PON3: variants seen among roughly 807,000 people sequenced by gnomAD.
The protein encoded by PON3 is paraoxonase 3.
In PON3, 37 loss-of-function variants were observed where a neutral mutation model predicts 36.3. The ratio of observed to expected loss-of-function variants is 1.02; its 90% CI spans 0.78 to 1.34. The LOEUF is 1.34. Ranked by LOEUF, PON3 falls within the 40% of genes most tolerant of loss-of-function variation. PON3 has a pLI of 0.00. For synonymous variants in PON3, 155 were observed against 154.8 expected (o/e 1.00, Z -0.01); for missense variants, 415 against 426.5 (o/e 0.97, Z 0.24).
chr7:95,366,807 T>C (rs547855093), intron 5 of PON3, among the ~76,000 whole-genome samples: 18 of 152,376 alleles, frequency 1.2e-4, no homozygotes, highest in African/African-American at 4.3e-4. Context: ...AGTTTACCCA[T>C]GCCTATTATT....
intron 5 of PON3, 95 bp downstream of exon 5, chr7:95,367,267 A>ATTC (rs2116382557): frequency 1.4e-6 from 2 of 1,475,344 alleles, no homozygotes; most frequent in East Asian, 4.5e-5. Flanking sequence ...ACAATTTCAA[A>ATTC]ACAAAAGTTT....
At position 95,363,857 on chromosome 7, in the gene PON3, G is replaced by T; in HGVS notation, c.695+6C>A. On this transcript the variant is annotated splice_donor_region_variant and intron_variant, in intron 6 of 8. Coordinates refer to ENST00000265627, the MANE Select transcript of PON3 (RefSeq NM_000940.3). ...AAAGGATAGAAAAATACACAAAAGA[G>T]CTTACTTCTGGTCTGCTGAGACTGT... 1 of 1,611,848 alleles carries T rather than the reference G, an allele frequency of 6.2e-7. No individual in the cohort carries two copies. The highest frequency in any genetic ancestry group is 8.5e-7 in the Non-Finnish European group (1 of 1,178,004).
chr7:95,367,393 G>T lies in PON3; in HGVS notation c.463C>A (p.Leu155Met). The T allele has an allele frequency of 6.2e-7, 1 of 1,613,162 alleles. No individual in the cohort carries two copies. Among genetic ancestry groups the T allele is most frequent in the Non-Finnish European group, 8.5e-7 (1 of 1,179,654 alleles). The change falls in exon 5 of 9, where the codon CTG becomes ATG. Residue 155 changes from leucine (L) to methionine (M), a missense_variant. By Grantham distance (15) the Leu-to-Met change is conservative. Transcript: ENST00000265627. Reference sequence around the variant, plus strand: ...AGAAGTTCATGTTTTATAGTTTTCAGGTATACCAGAGAACGTTGTTGTTCC... The same window carrying T: ...AGAAGTTCATGTTTTATAGTTTTCATGTATACCAGAGAACGTTGTTGTTCC... ...FEEQQRSLVYLKTIKHELLKS... is the reference protein window; with the variant it reads ...FEEQQRSLVYMKTIKHELLKS...
intron 4 of PON3, among the ~76,000 whole-genome samples, chr7:95,368,441 G>C (rs1356875409): frequency 6.6e-6 from 1 of 152,230 alleles, no homozygotes; most frequent in Admixed American, 6.5e-5. Flanking sequence ...ATCCAGCTCT[G>C]TTCCAAGGCT....
At chr7:95,380,228 T>C (rs990583277) in intron 3 of PON3, among the ~76,000 whole-genome samples, 1 of 151,936 alleles carries the variant, frequency 6.6e-6, no homozygotes, top group Non-Finnish European at 1.5e-5. Flanking sequence ...AGACCAAAGG[T>C]AGATAAAACC....
intron 3 of PON3, among the ~76,000 whole-genome samples, chr7:95,378,507 AGG>A (rs1808971087): frequency 6.6e-6 from 1 of 152,210 alleles, no homozygotes; most frequent in African/African-American, 2.4e-5. Flanking sequence ...CCAGAGAGAA[AGG>A]CTGGGTTACC....
At chr7:95,363,755 A>T (rs1808628672) in intron 6 of PON3, 108 bp downstream of exon 6, 1 of 1,072,106 alleles carries the variant, frequency 9.3e-7, no homozygotes, top group East Asian at 2.4e-5. Context: ...ATCCCTCCAC[A>T]CATATATTCA....
intron 5 of PON3, among the ~76,000 whole-genome samples, chr7:95,366,368 A>T (rs1296139244): frequency 6.6e-6 from 1 of 152,172 alleles, no homozygotes; most frequent in Non-Finnish European, 1.5e-5. Context: ...AGAACCCCAT[A>T]CGGTGCATTA....
chr7:95,363,891 T>C lies in PON3; in HGVS notation c.667A>G (p.Asn223Asp), dbSNP rs1324205210. ...TGGTCTGCTGAGACTGTGATCCCAT[T>C]GGCACTACAAAATCCTTTGGCCACC... Reference protein sequence around the residue: ...KVVAKGFCSANGITVSADQKY... With the variant: ...KVVAKGFCSADGITVSADQKY... Residue 223 changes from asparagine (N) to aspartate (D), a missense_variant, in exon 6 of 9, where the codon AAT (asparagine) becomes GAT (aspartate). Coordinates refer to ENST00000265627, the MANE Select transcript of PON3 (RefSeq NM_000940.3). The C allele has an allele frequency of 1.2e-6, 2 of 1,613,540 alleles. No individual in the cohort carries two copies. The highest frequency in any genetic ancestry group is 3.3e-5 in the Admixed American group (2 of 59,982).
intron 4 of PON3, among the ~76,000 whole-genome samples, chr7:95,368,262 T>C (rs534059780): frequency 2.4e-4 from 36 of 152,352 alleles, no homozygotes; most frequent in African/African-American, 7.5e-4. Context: ...ACTTGATCTG[T>C]ATTCATCTTC....
intron 3 of PON3, among the ~76,000 whole-genome samples, chr7:95,381,404 T>G (rs1809051049): frequency 6.6e-6 from 1 of 152,128 alleles, no homozygotes; most frequent in Non-Finnish European, 1.5e-5. Context: ...AGACACAGAC[T>G]GGCAAATTGG....
chr7:95,392,736 C>T (rs545750158), intron 2 of PON3, among the ~76,000 whole-genome samples: 2 of 152,312 alleles, frequency 1.3e-5, no homozygotes, highest in African/African-American at 2.4e-5. Flanking sequence ...TACGTATCAT[C>T]GAATTATTCA....
chr7:95,376,632 C>T (rs1808918375), intron 3 of PON3, among the ~76,000 whole-genome samples: 1 of 148,550 alleles, frequency 6.7e-6, no homozygotes, highest in Admixed American at 6.6e-5. Flanking sequence ...ACTTTTAGTT[C>T]CAGTGAAAAT....
At chr7:95,386,768 A>G (rs992057902) in intron 3 of PON3, among the ~76,000 whole-genome samples, 1 of 152,200 alleles carries the variant, frequency 6.6e-6, no homozygotes, top group African/African-American at 2.4e-5. Flanking sequence ...CCAGCAACAC[A>G]TCAAAAAGCT....
At position 95,372,317 on chromosome 7, in the gene PON3, G is replaced by C. The variant is rs1211744090; in HGVS notation, c.223C>G (p.Pro75Ala). Residue 75 changes from proline (P) to alanine (A), a missense_variant, in exon 4 of 9, where the codon CCA becomes GCA. Transcript: ENST00000265627. ...CCTGGTTCATCTGGCGCAAAGTTTG[G>C]CATGCCTGGATATTTTAATCCCTTT... is the stretch of plus-strand genomic sequence containing the variant. Reference protein sequence around the residue: ...ISSGLKYPGMPNFAPDEPGKI... With the variant: ...ISSGLKYPGMANFAPDEPGKI... The C allele has an allele frequency of 1.9e-6, 3 of 1,613,864 alleles. No individual in the cohort carries two copies. The highest frequency in any genetic ancestry group is 2.5e-6 in the Non-Finnish European group (3 of 1,179,852).
At position 95,390,228 on chromosome 7, in the gene PON3, A is replaced by G; in HGVS notation, c.146-19T>C. The G allele has an allele frequency of 6.3e-7, 1 of 1,587,944 alleles. No homozygotes were observed. ...CCACTTTCTGCAAAAGAAGGGTAGA[A>G]TCAGAAAAATGCATATATGAAGGCT... On this transcript the variant is annotated intron_variant, in intron 2 of 8. Coordinates refer to ENST00000265627, the MANE Select transcript of PON3 (RefSeq NM_000940.3).
chr7:95,388,365 A>T (rs891148415), intron 3 of PON3, among the ~76,000 whole-genome samples: 3 of 152,238 alleles, frequency 2.0e-5, no homozygotes, highest in Admixed American at 2.0e-4. Context: ...TCATCAGAGA[A>T]ATGTAAATGA....
intron 3 of PON3, among the ~76,000 whole-genome samples, chr7:95,381,175 C>T (rs1184772544): frequency 6.6e-6 from 1 of 152,174 alleles, no homozygotes; most frequent in African/African-American, 2.4e-5. Context: ...CACCACCAGG[C>T]CTGCCCTACA....
At chr7:95,377,261 G>A (rs538424778) in intron 3 of PON3, among the ~76,000 whole-genome samples, 12 of 152,280 alleles carry the variant, frequency 7.9e-5, no homozygotes, top group East Asian at 3.9e-4. Context: ...CAAAGAGGCC[G>A]GGAAGCTTGA....
Sources: allele counts gnomAD v4.1 joint callset (sites outside exome capture counted in the v4.1 genomes callset), GRCh38; gene constraint gnomAD v4.1.1; transcripts MANE v1.5; gene names NCBI Gene and HGNC (gene_info 2026-07-23, HGNC 2026-07-21).